AMPH: variants seen among roughly 807,000 people sequenced by gnomAD.
AMPH encodes the protein amphiphysin (Stiff-Mann syndrome with breast cancer 128kD autoantigen).
Under a neutral mutation model 99.1 loss-of-function variants are expected in AMPH, and 49 were observed. That is an observed-to-expected ratio of 0.49 (90% CI 0.39 to 0.63). The LOEUF (loss-of-function observed/expected upper bound fraction) is 0.63, where lower values mean the gene tolerates loss of function less well. Among genes scored for constraint, AMPH ranks in the 20% least tolerant of loss-of-function variants. The pLI is 0.00. For synonymous variants in AMPH, 314 were observed against 317.3 expected, an observed-to-expected ratio of 0.99 and a Z score of 0.11; for missense variants, 759 against 863.4, an observed-to-expected ratio of 0.88 and a Z score of 1.52.
At chr7:38,412,164 G>A (rs527859283) in intron 17 of AMPH, among the ~76,000 whole-genome samples, 1 of 152,284 alleles carries the variant, frequency 6.6e-6, no homozygotes, top group Non-Finnish European at 1.5e-5. Context: ...TAGAGGTGAT[G>A]ACTGTACAAC....
chr7:38,624,878 C>T (rs967090668), intron 1 of AMPH, among the ~76,000 whole-genome samples: 1 of 151,806 alleles, frequency 6.6e-6, no homozygotes, highest in Non-Finnish European at 1.5e-5. Flanking sequence ...TACAAGAGTT[C>T]CATACATTTT....
At chr7:38,403,389 C>T (rs1784896145) in intron 17 of AMPH, among the ~76,000 whole-genome samples, 1 of 152,200 alleles carries the variant, frequency 6.6e-6, no homozygotes, top group Non-Finnish European at 1.5e-5. Flanking sequence ...CTGTTGGTGG[C>T]AATCTGAGAA....
At chr7:38,441,853 T>TATATCATATATAAC (rs60306180) in intron 11 of AMPH, among the ~76,000 whole-genome samples, 1 of 91,038 alleles carries the variant, frequency 1.1e-5, no homozygotes, top group Non-Finnish European at 2.0e-5. Context: ...ATATATATCA[T>TATATCATATATAAC]ATATATCATA....
At chr7:38,453,836 A>AAG (rs1787127982) in intron 11 of AMPH, among the ~76,000 whole-genome samples, 1 of 152,148 alleles carries the variant, frequency 6.6e-6, no homozygotes, top group Admixed American at 6.5e-5. Flanking sequence ...GCAACTGAGT[A>AAG]AGGGTATTGT....
At chr7:38,420,586 GA>G (rs1185034044) in intron 16 of AMPH, among the ~76,000 whole-genome samples, 32 of 152,166 alleles carry the variant, frequency 2.1e-4, no homozygotes, top group Admixed American at 2.1e-3. Flanking sequence ...TATTCCTTTA[GA>G]ATAAAATGAG....
intron 2 of AMPH, among the ~76,000 whole-genome samples, chr7:38,503,918 G>C (rs1789237671): frequency 6.6e-6 from 1 of 152,198 alleles, no homozygotes; most frequent in Non-Finnish European, 1.5e-5. Flanking sequence ...GAGAAGGCAA[G>C]ATTTTGCTAA....
At chr7:38,601,711 C>T (rs894166639) in intron 1 of AMPH, among the ~76,000 whole-genome samples, 2 of 152,158 alleles carry the variant, frequency 1.3e-5, no homozygotes, top group African/African-American at 2.4e-5. Flanking sequence ...AAAGATCTGC[C>T]TGGAAATCCC....
intron 18 of AMPH, among the ~76,000 whole-genome samples, chr7:38,392,880 C>T (rs1317562013): frequency 6.6e-6 from 1 of 152,216 alleles, no homozygotes; most frequent in Non-Finnish European, 1.5e-5. Context: ...TCCAGCCCCA[C>T]ACTGCTGTGG....
intron 11 of AMPH, among the ~76,000 whole-genome samples, chr7:38,460,146 C>T (rs1227617408): frequency 1.3e-5 from 2 of 152,068 alleles, no homozygotes; most frequent in African/African-American, 2.4e-5. Context: ...GAGATGTCAT[C>T]GTACCCCAGT....
chr7:38,485,262 G>T (rs1450095272), intron 5 of AMPH, among the ~76,000 whole-genome samples: 1 of 151,796 alleles, frequency 6.6e-6, no homozygotes, highest in Non-Finnish European at 1.5e-5. Flanking sequence ...AACACACTTG[G>T]CTGAAAATAA....
intron 1 of AMPH, among the ~76,000 whole-genome samples, chr7:38,551,151 A>T (rs1353730424): frequency 6.6e-6 from 1 of 152,156 alleles, no homozygotes; most frequent in Non-Finnish European, 1.5e-5. Context: ...AGCAACTCAG[A>T]TTACAAGCAG....
At chr7:38,594,422 G>T (rs1458220839) in intron 1 of AMPH, among the ~76,000 whole-genome samples, 2 of 152,142 alleles carry the variant, frequency 1.3e-5, no homozygotes, top group Admixed American at 6.5e-5. Context: ...TACACTGACT[G>T]CTTCCCTACC....
chr7:38,426,948 C>T lies in AMPH; in HGVS notation c.1215+6G>A, dbSNP rs1785802234. The T allele has an allele frequency of 1.2e-6, 2 of 1,611,876 alleles. No individual in the cohort carries two copies. The highest frequency in any genetic ancestry group is 1.7e-6 in the Non-Finnish European group (2 of 1,178,460). ...GATGGATCTTGTAAGAAAACAGATT[C>T]CTTACCTGTGTGAATCCATTAAATG... On this transcript the variant is annotated splice_donor_region_variant and intron_variant, in intron 15 of 20. Transcript: ENST00000356264.
At chr7:38,506,525 T>A (rs1789330936) in intron 2 of AMPH, among the ~76,000 whole-genome samples, 1 of 152,066 alleles carries the variant, frequency 6.6e-6, no homozygotes. Context: ...ATATCTGAAA[T>A]TTACCTGGAC....
chr7:38,450,961 G>C (rs546214459), intron 11 of AMPH, among the ~76,000 whole-genome samples: 57 of 151,090 alleles, frequency 3.8e-4, no homozygotes, highest in African/African-American at 1.3e-3. Context: ...TGTGATCATA[G>C]CTCACTGTAA....
intron 1 of AMPH, among the ~76,000 whole-genome samples, chr7:38,576,342 G>A (rs926166939): frequency 6.6e-6 from 1 of 151,928 alleles, no homozygotes; most frequent in Non-Finnish European, 1.5e-5. Flanking sequence ...ATATCCCCAG[G>A]GCAGAAGTAA....
At position 38,484,470 on chromosome 7, in the gene AMPH, C is replaced by T. The variant is rs568289029; in HGVS notation, c.396+6580G>A. 2.1e-4 allele frequency among the ~76,000 whole-genome samples: 32 copies of T among 151,940 alleles called. 1 individual carries two copies. Among genetic ancestry groups the T allele is most frequent in the East Asian group, 1.4e-3 (7 of 5,184 alleles). ...TGACGTATTTAAAGTGATGAAAGAA[C>T]GAAAAAACTGTGAAACAAGAATACT... On this transcript the variant is annotated intron_variant, in intron 5 of 20. Coordinates refer to ENST00000356264, the MANE Select transcript of AMPH (RefSeq NM_001635.4).
At position 38,463,160 on chromosome 7, in the gene AMPH, A is replaced by G. The variant is rs746979305; in HGVS notation, c.750-47T>C. 1.9e-6 allele frequency: 3 copies of G among 1,613,084 alleles called. No homozygotes were observed. The African/African-American group carries it at 4.0e-5, about 22-fold the overall frequency. On this transcript the variant is annotated intron_variant, in intron 9 of 20. Transcript: ENST00000356264. The stretch of plus-strand genomic sequence containing the variant: ...GGCAAGGGGCCTTCTCAAGAACAGT[A>G]TTCATCTAATCAGGGGTTTTCCATT...
intron 17 of AMPH, among the ~76,000 whole-genome samples, chr7:38,403,692 A>AGTT: frequency 6.6e-6 from 1 of 152,346 alleles, no homozygotes; most frequent in Middle Eastern, 3.4e-3. Flanking sequence ...GGCCTGCCAA[A>AGTT]GTGCCCCTTG....
Sources: allele counts gnomAD v4.1 joint callset (sites outside exome capture counted in the v4.1 genomes callset), GRCh38; gene constraint gnomAD v4.1.1; transcripts MANE v1.5; gene names NCBI Gene and HGNC (gene_info 2026-07-23, HGNC 2026-07-21).